Variants in FSD1L observed in about 807,000 individuals in gnomAD.
FSD1L encodes the protein FSD1-like protein.
In FSD1L, 45 loss-of-function variants were observed where a neutral mutation model predicts 71.6. That is an observed-to-expected ratio of 0.63 (90% CI 0.49 to 0.81). The LOEUF is 0.81. FSD1L is among the 30% of genes least tolerant of loss of function. The pLI is 0.00. For synonymous variants in FSD1L, 197 were observed against 207.2 expected (o/e 0.95, Z 0.42); for missense variants, 561 against 618.1 (o/e 0.91, Z 0.98).
At chr9:105,533,588 A>C (rs1404586212) in intron 10 of FSD1L, among the ~76,000 whole-genome samples, 1 of 148,032 alleles carries the variant, frequency 6.8e-6, no homozygotes, top group Non-Finnish European at 1.5e-5. Flanking sequence ...ACACCCAGCT[A>C]ATTTTTGTAT....
intron 1 of FSD1L, 149 bp downstream of exon 1, chr9:105,448,384 GCT>G (rs3831166): frequency 0.1 from 70,696 of 678,826 alleles, 4,704 homozygotes; most frequent in Admixed American, 0.21. Flanking sequence ...CCGCCCGGCC[GCT>G]CTCTGGGCGG....
intron 10 of FSD1L, among the ~76,000 whole-genome samples, chr9:105,526,887 T>C (rs1233616546): frequency 2.3e-4 from 35 of 151,192 alleles, no homozygotes; most frequent in African/African-American, 8.4e-4. Context: ...TTTATTGTGC[T>C]CCATTGCAAC....
At chr9:105,513,690 A>G in intron 10 of FSD1L, 3 of 1,339,896 alleles carry the variant, frequency 2.2e-6, no homozygotes, top group Admixed American at 2.4e-5. Context: ...GGCTGATTAA[A>G]AAAACTTTAA....
At chr9:105,450,126 G>T (rs940871195) in intron 1 of FSD1L, among the ~76,000 whole-genome samples, 3 of 152,166 alleles carry the variant, frequency 2.0e-5, no homozygotes, top group African/African-American at 7.2e-5. Flanking sequence ...TCCTTTTCTC[G>T]TATGAATTCC....
rs141277709 is a variant in FSD1L, at chr9:105,457,742, C to A, written c.16-3778C>A. On this transcript the variant is annotated intron_variant, in intron 1 of 13. Transcript: ENST00000481272. Reference sequence around the variant, plus strand: ...GCCTGGATCCCACACCTGCCGAGGGCGAGCCAGGCATGGAGCAGTGAGGGG... The same window carrying A: ...GCCTGGATCCCACACCTGCCGAGGGAGAGCCAGGCATGGAGCAGTGAGGGG... Among the ~76,000 whole-genome samples, 273 of 152,318 alleles carry A rather than the reference C, an allele frequency of 1.8e-3. 1 individual carries two copies. Among genetic ancestry groups the A allele is most frequent in the Non-Finnish European group, 3.2e-3 (221 of 68,024 alleles).
At chr9:105,541,654 T>G (rs950866058) in intron 13 of FSD1L, among the ~76,000 whole-genome samples, 5 of 152,196 alleles carry the variant, frequency 3.3e-5, no homozygotes, top group Non-Finnish European at 7.3e-5. Context: ...AATTTTTAAG[T>G]CAGTTTTATT....
chr9:105,544,953 AT>A (rs1836884299), intron 13 of FSD1L, among the ~76,000 whole-genome samples: 2 of 152,284 alleles, frequency 1.3e-5, no homozygotes, highest in South Asian at 2.1e-4. Context: ...GTTTTTTCCC[AT>A]TCTGTGAAGA....
At chr9:105,471,679 A>G in intron 4 of FSD1L, among the ~76,000 whole-genome samples, 1 of 148,760 alleles carries the variant, frequency 6.7e-6, no homozygotes, top group East Asian at 1.9e-4. Flanking sequence ...CAAAGTATTA[A>G]GATAATTAAA....
intron 11 of FSD1L, 54 bp downstream of exon 11, chr9:105,534,647 A>G: frequency 1.0e-6 from 1 of 998,344 alleles, no homozygotes; most frequent in East Asian, 2.6e-5. Flanking sequence ...CATCACAATC[A>G]CACTGGTGGA....
At chr9:105,496,035 G>A (rs546208590) in intron 7 of FSD1L, among the ~76,000 whole-genome samples, 75 of 149,656 alleles carry the variant, frequency 5.0e-4, no homozygotes, top group Non-Finnish European at 8.9e-4. Context: ...TGCAAATATT[G>A]TCTCCCTGTC....
At chr9:105,472,162 C>A in intron 5 of FSD1L, 157 bp downstream of exon 5, 2 of 852,856 alleles carry the variant, frequency 2.3e-6, no homozygotes, top group Non-Finnish European at 1.6e-6. Flanking sequence ...TCATTTATTC[C>A]AAAGCAAACA....
chr9:105,521,141 G>A, intron 10 of FSD1L: 5 of 1,613,854 alleles, frequency 3.1e-6, no homozygotes, highest in Non-Finnish European at 4.2e-6. Context: ...GTACAAAGGA[G>A]CCTTTCATTA....
chr9:105,552,110 A>G lies in FSD1L; in HGVS notation c.*5627A>G, dbSNP rs1461894436. 6.6e-6 allele frequency: 1 copy of G among 152,204 alleles called. No individual in the cohort carries two copies. Among genetic ancestry groups the G allele is most frequent in the African/African-American group, 2.4e-5 (1 of 41,462 alleles). The allele number at this position is 152,204 out of a possible 1,614,324, so 9.4% of individuals were successfully genotyped here. ...CTGAATCTACAGATTTAGTATGTCT[A>G]TTATCTGGACATGATTTTGCTATGC... On this transcript the variant is annotated 3_prime_UTR_variant, in exon 14 of 14. Transcript: ENST00000481272.
chr9:105,460,591 C>CAAAA (rs35223160), intron 1 of FSD1L, among the ~76,000 whole-genome samples: 2 of 66,008 alleles, frequency 3.0e-5, no homozygotes, highest in Non-Finnish European at 3.1e-5. Context: ...GACTCCATCT[C>CAAAA]AAAAAAAAAA....
chr9:105,505,363 C>G (rs1056925820), intron 7 of FSD1L, among the ~76,000 whole-genome samples: 1 of 152,184 alleles, frequency 6.6e-6, no homozygotes, highest in Non-Finnish European at 1.5e-5. Context: ...TGGGTTCAAG[C>G]AATTCTTCTG....
chr9:105,474,820 C>G (rs10991665), intron 5 of FSD1L, among the ~76,000 whole-genome samples: 2,898 of 152,332 alleles, frequency 0.019, 44 homozygotes, highest in Non-Finnish European at 0.031. Flanking sequence ...ATTGCAGTGT[C>G]TCAGCATGAG....
intron 7 of FSD1L, among the ~76,000 whole-genome samples, chr9:105,486,439 A>T (rs1397254039): frequency 6.6e-6 from 1 of 152,184 alleles, no homozygotes; most frequent in Non-Finnish European, 1.5e-5. Context: ...CAGTTAACTG[A>T]TGTTTTACTT....
At chr9:105,466,692 CAA>C (rs11300881) in intron 3 of FSD1L, among the ~76,000 whole-genome samples, 18,963 of 143,430 alleles carry the variant, frequency 0.13, 1,494 homozygotes, top group East Asian at 0.45. Context: ...GACTCTGTCT[CAA>C]AAAAAAAAAA....
intron 10 of FSD1L, chr9:105,513,711 T>C: frequency 8.8e-7 from 1 of 1,139,384 alleles, no homozygotes; most frequent in Non-Finnish European, 1.3e-6. Context: ...TTTTATCTTT[T>C]AACCAATAAG....
Sources: allele counts gnomAD v4.1 joint callset (sites outside exome capture counted in the v4.1 genomes callset), GRCh38; gene constraint gnomAD v4.1.1; transcripts MANE v1.5; gene names NCBI Gene and HGNC (gene_info 2026-07-23, HGNC 2026-07-21).